Variants in GABBR2 observed in about 807,000 individuals in gnomAD.
GABBR2 encodes gamma-aminobutyric acid type B receptor subunit 2.
GABBR2 carries 23 observed loss-of-function variants against 105.6 expected under a neutral mutation model. The observed-to-expected ratio is 0.22, with a 90% CI of 0.16 to 0.31. The LOEUF (loss-of-function observed/expected upper bound fraction) is 0.31. Ranked by LOEUF, GABBR2 falls within the 10% of genes least tolerant of loss-of-function variation. The pLI is 1.00. For missense variants in GABBR2, 734 were observed against 1,245.5 expected (o/e 0.59, Z 6.18); for synonymous variants, 478 against 499.7 (o/e 0.96, Z 0.58).
chr9:98,597,809 TTTTTA>T (rs1463494014), intron 1 of GABBR2, among the ~76,000 whole-genome samples: 2 of 152,070 alleles, frequency 1.3e-5, no homozygotes, highest in South Asian at 4.2e-4. Context: ...AAGTAAGCTC[TTTTTA>T]TTTTATTTAT....
chr9:98,489,830 A>G (rs1827138567), intron 4 of GABBR2, among the ~76,000 whole-genome samples: 1 of 152,238 alleles, frequency 6.6e-6, no homozygotes, highest in Non-Finnish European at 1.5e-5. Flanking sequence ...CAGGTGGCTC[A>G]CGCCTGTAAT....
rs536778011 is a variant in GABBR2, at chr9:98,487,845, T to C, written c.733-6848A>G. On this transcript the variant is annotated intron_variant, in intron 4 of 18. Transcript: ENST00000259455. ...GAACCTGTGAGTACGTTATGTCACG[T>C]GGTAAAGGGAAAATTCACATTCCAG... is the stretch of plus-strand genomic sequence containing the variant. Among the ~76,000 whole-genome samples, 18 of 152,136 alleles carry C rather than the reference T, an allele frequency of 1.2e-4. No individual in the cohort carries two copies. In the South Asian group the frequency reaches 3.3e-3, roughly 28 times the overall value.
rs1461004680 is a variant in GABBR2, at chr9:98,560,458, T to C, written c.459+17477A>G. The stretch of plus-strand genomic sequence containing the variant: ...ACACACACATACACACACACACATA[T>C]ATACATGCACACACACACACATATA... On this transcript the variant is annotated intron_variant, in intron 2 of 18. Transcript: ENST00000259455. Among the ~76,000 whole-genome samples, 3 of 147,330 alleles carry C rather than the reference T, an allele frequency of 2.0e-5. No homozygotes were observed. In the East Asian group the frequency reaches 6.0e-4, roughly 29 times the overall value.
intron 1 of GABBR2, among the ~76,000 whole-genome samples, chr9:98,643,872 G>C (rs1293084149): frequency 6.6e-6 from 1 of 152,210 alleles, no homozygotes; most frequent in Non-Finnish European, 1.5e-5. Context: ...AAAGCTTCAA[G>C]AGAACAGAGC....
At chr9:98,437,684 A>G (rs1232424031) in intron 7 of GABBR2, among the ~76,000 whole-genome samples, 1 of 150,350 alleles carries the variant, frequency 6.7e-6, no homozygotes, top group African/African-American at 2.5e-5. Context: ...GCATATATCT[A>G]TTCACATAAC....
chr9:98,351,840 T>C (rs1440397521), intron 13 of GABBR2, among the ~76,000 whole-genome samples: 2 of 152,234 alleles, frequency 1.3e-5, no homozygotes, highest in African/African-American at 2.4e-5. Context: ...CTTTGGAATA[T>C]GTTATTGGAG....
intron 13 of GABBR2, among the ~76,000 whole-genome samples, chr9:98,315,810 C>T (rs1235142631): frequency 6.6e-6 from 1 of 152,196 alleles, no homozygotes; most frequent in Non-Finnish European, 1.5e-5. Context: ...ATCGGTGGGG[C>T]CGGAAACGGT....
At chr9:98,521,853 C>T (rs1827874038) in intron 3 of GABBR2, among the ~76,000 whole-genome samples, 1 of 151,932 alleles carries the variant, frequency 6.6e-6, no homozygotes, top group Non-Finnish European at 1.5e-5. Context: ...GCATATGGAA[C>T]CTATGAAAAC....
intron 15 of GABBR2, among the ~76,000 whole-genome samples, chr9:98,303,776 A>G (rs1028102416): frequency 3.3e-5 from 5 of 152,250 alleles, no homozygotes; most frequent in Admixed American, 2.0e-4. Flanking sequence ...ATAAGCCCCG[A>G]GGGCAACAGT....
intron 17 of GABBR2, among the ~76,000 whole-genome samples, 166 bp from the exon 18 acceptor site, chr9:98,294,068 A>C (rs1187717477): frequency 6.6e-6 from 1 of 152,206 alleles, no homozygotes; most frequent in African/African-American, 2.4e-5. Context: ...TCCCGGGACC[A>C]AGGCGGTGAG....
At chr9:98,577,587 G>A (rs947618723) in intron 2 of GABBR2, among the ~76,000 whole-genome samples, 5 of 152,228 alleles carry the variant, frequency 3.3e-5, no homozygotes, top group African/African-American at 7.2e-5. Flanking sequence ...GAAAGGCAGG[G>A]TGTCTGGCAA....
At chr9:98,640,685 C>T (rs1165247396) in intron 1 of GABBR2, among the ~76,000 whole-genome samples, 1 of 152,060 alleles carries the variant, frequency 6.6e-6, no homozygotes, top group Non-Finnish European at 1.5e-5. Context: ...AGAATTCTAA[C>T]CCCCTGGAGA....
At chr9:98,320,207 G>T (rs1171852016) in intron 13 of GABBR2, among the ~76,000 whole-genome samples, 1 of 151,886 alleles carries the variant, frequency 6.6e-6, no homozygotes, top group African/African-American at 2.4e-5. Flanking sequence ...CATTTGTGCA[G>T]CCAAAAAACA....
chr9:98,390,375 CAAAAAAAAAAAA>C (rs61216428), intron 9 of GABBR2, among the ~76,000 whole-genome samples: 12 of 32,444 alleles, frequency 3.7e-4, no homozygotes, highest in Non-Finnish European at 5.8e-4. Context: ...CTCCATCTCA[CAAAAAAAAAAAA>C]AAAAAAAAAA....
intron 10 of GABBR2, among the ~76,000 whole-genome samples, chr9:98,387,751 A>G (rs1333496593): frequency 6.6e-6 from 1 of 151,948 alleles, no homozygotes; most frequent in Non-Finnish European, 1.5e-5. Context: ...GCATAGTGAG[A>G]CTGTCTCTTA....
At chr9:98,421,168 T>C (rs932228710) in intron 7 of GABBR2, among the ~76,000 whole-genome samples, 7 of 152,238 alleles carry the variant, frequency 4.6e-5, no homozygotes, top group African/African-American at 1.4e-4. Context: ...ATATTTAACA[T>C]TGATCATACA....
At chr9:98,615,130 T>C (rs1453781441) in intron 1 of GABBR2, among the ~76,000 whole-genome samples, 1 of 152,170 alleles carries the variant, frequency 6.6e-6, no homozygotes, top group African/African-American at 2.4e-5. Flanking sequence ...TCTGCCTCTC[T>C]CACTTTATAG....
intron 13 of GABBR2, among the ~76,000 whole-genome samples, chr9:98,327,348 G>GC (rs903665918): frequency 2.6e-5 from 4 of 151,962 alleles, no homozygotes; most frequent in African/African-American, 7.3e-5. Flanking sequence ...ACCTAAGCCT[G>GC]CCCCCACCTG....
At chr9:98,571,440 A>T (rs1453306564) in intron 2 of GABBR2, among the ~76,000 whole-genome samples, 1 of 152,116 alleles carries the variant, frequency 6.6e-6, no homozygotes, top group Non-Finnish European at 1.5e-5. Context: ...TGTCTGGGGG[A>T]TGAACAGGCC....
Sources: allele counts gnomAD v4.1 joint callset (sites outside exome capture counted in the v4.1 genomes callset), GRCh38; gene constraint gnomAD v4.1.1; transcripts MANE v1.5; gene names NCBI Gene and HGNC (gene_info 2026-07-23, HGNC 2026-07-21).